The following UST variants were observed in gnomAD, a reference collection of about 807,000 sequenced individuals.
The protein encoded by UST is chondroitin sulfate 2-O-sulfotransferase.
UST carries 21 observed loss-of-function variants against 45.6 expected under a neutral mutation model. The ratio of observed to expected loss-of-function variants is 0.46; its 90% CI spans 0.33 to 0.66. UST has a LOEUF of 0.66. UST is among the 30% of genes least tolerant of loss of function. The probability of loss-of-function intolerance (pLI) is 0.02; values close to 1 mark genes in which losing one functional copy is unlikely to be tolerated. For missense variants in UST, 463 were observed against 512.4 expected (o/e 0.90, Z 0.93); for synonymous variants, 215 against 200.6 (o/e 1.07, Z -0.61).
chr6:148,809,054 C>T (rs1205240929), intron 1 of UST, among the ~76,000 whole-genome samples: 1 of 152,244 alleles, frequency 6.6e-6, no homozygotes, highest in Non-Finnish European at 1.5e-5. Context: ...TCACTGGCAA[C>T]TAATCATCAC....
intron 1 of UST, among the ~76,000 whole-genome samples, chr6:148,861,164 C>T (rs1778304618): frequency 6.6e-6 from 1 of 152,200 alleles, no homozygotes; most frequent in Non-Finnish European, 1.5e-5. Flanking sequence ...ATTATTGCCT[C>T]AATTTCTGAA....
chr6:148,784,151 T>C (rs1166385305), intron 1 of UST, among the ~76,000 whole-genome samples: 2 of 152,142 alleles, frequency 1.3e-5, no homozygotes, highest in East Asian at 1.9e-4. Flanking sequence ...CCATATTCGA[T>C]GTGGAAATGT....
chr6:149,003,450 A>C (rs1447604979), intron 5 of UST, among the ~76,000 whole-genome samples: 2 of 152,130 alleles, frequency 1.3e-5, no homozygotes, highest in Admixed American at 6.5e-5. Flanking sequence ...AAAACAAAAA[A>C]AAAAAACATT....
intron 1 of UST, among the ~76,000 whole-genome samples, chr6:148,835,563 G>GT (rs1461829348): frequency 1.3e-5 from 2 of 152,132 alleles, no homozygotes; most frequent in African/African-American, 4.8e-5. Flanking sequence ...CCTTCAAGTG[G>GT]TTTTGTCTCG....
chr6:149,065,415 C>T (rs989692468), intron 7 of UST, among the ~76,000 whole-genome samples: 7 of 152,178 alleles, frequency 4.6e-5, no homozygotes, highest in African/African-American at 1.7e-4. Flanking sequence ...GCAAGACACA[C>T]ATCCATATGT....
intron 2 of UST, among the ~76,000 whole-genome samples, chr6:148,924,398 A>C (rs775713034): frequency 6.6e-6 from 1 of 152,262 alleles, no homozygotes; most frequent in East Asian, 1.9e-4. Flanking sequence ...CCTAGGAGAC[A>C]ATCAGCAGCT....
At chr6:149,026,963 A>G (rs1776058670) in intron 7 of UST, among the ~76,000 whole-genome samples, 1 of 152,218 alleles carries the variant, frequency 6.6e-6, no homozygotes, top group Non-Finnish European at 1.5e-5. Flanking sequence ...AGTGACTTAA[A>G]TCCTAACTTT....
rs377083875 is a variant in UST, at chr6:149,067,391, C to T, written c.938-6442C>T. 2.0e-4 allele frequency among the ~76,000 whole-genome samples: 31 copies of T among 152,308 alleles called. 1 individual carries two copies. Among genetic ancestry groups the T allele is most frequent in the African/African-American group, 6.3e-4 (26 of 41,570 alleles). On this transcript the variant is annotated intron_variant, in intron 7 of 7. Transcript: ENST00000367463. ...TCCAATGGCCTTCAATTTGAAATAT[C>T]GCCATACCAAGTTGCCATATTTGGC...
chr6:148,995,034 T>TGTG (rs369322131), intron 5 of UST, among the ~76,000 whole-genome samples: 1,927 of 152,126 alleles, frequency 0.013, 41 homozygotes, highest in African/African-American at 0.043. Flanking sequence ...ATCTTGTGTG[T>TGTG]GTGTGTGTGA....
intron 1 of UST, among the ~76,000 whole-genome samples, chr6:148,796,491 G>T (rs1776950159): frequency 6.6e-6 from 1 of 151,962 alleles, no homozygotes; most frequent in South Asian, 2.1e-4. Context: ...GGACGTGGTG[G>T]CACGGGCCTG....
chr6:148,953,789 A>T (rs1000900589), intron 3 of UST, 83 bp from the exon 4 acceptor site: 3 of 788,998 alleles, frequency 3.8e-6, no homozygotes, highest in Non-Finnish European at 5.5e-6. Flanking sequence ...AAAAAAAAAA[A>T]AAGAGTGGGA....
chr6:148,877,984 G>A (rs1329661511), intron 1 of UST, among the ~76,000 whole-genome samples: 3 of 123,082 alleles, frequency 2.4e-5, no homozygotes, highest in Admixed American at 1.6e-4. Flanking sequence ...GATCGTGTAC[G>A]AGTGTGGGGA....
At chr6:149,059,221 A>G (rs1024220055) in intron 7 of UST, among the ~76,000 whole-genome samples, 3 of 152,190 alleles carry the variant, frequency 2.0e-5, no homozygotes, top group South Asian at 2.1e-4. Flanking sequence ...CAGCCCTGTC[A>G]TGTTCAAGTC....
intron 5 of UST, among the ~76,000 whole-genome samples, chr6:148,998,352 G>C (rs961042131): frequency 6.6e-6 from 1 of 152,130 alleles, no homozygotes; most frequent in African/African-American, 2.4e-5. Context: ...TCTTATAACA[G>C]GTGAAATGAA....
At chr6:149,049,669 C>G in intron 7 of UST, among the ~76,000 whole-genome samples, 1 of 152,122 alleles carries the variant, frequency 6.6e-6, no homozygotes, top group East Asian at 1.9e-4. Context: ...ATTTTTATCC[C>G]TCTCTCTTCC....
intron 1 of UST, among the ~76,000 whole-genome samples, chr6:148,817,206 AG>A (rs1215820792): frequency 6.6e-6 from 1 of 152,254 alleles, no homozygotes; most frequent in Non-Finnish European, 1.5e-5. Flanking sequence ...TTCACTAGAA[AG>A]CAAAGCCAAG....
chr6:148,747,456 G>C lies in UST; in HGVS notation c.26G>C (p.Gly9Ala). MKKKQQHP[G>A]GGADPWPHGA... ...ATGAAGAAGAAGCAGCAGCATCCCGGCGGCGGCGCGGATCCCTGGCCCCAT... is the reference window on the plus strand; with the variant it reads ...ATGAAGAAGAAGCAGCAGCATCCCGCCGGCGGCGCGGATCCCTGGCCCCAT... Residue 9 changes from glycine to alanine, a missense_variant, in exon 1 of 8, where the codon GGC becomes GCC. Around this residue, in one of 2 missense-constraint regions of UST, gnomAD observed 176 missense variants for 138.3 expected, o/e 1.27. Transcript: ENST00000367463. 7.0e-7 allele frequency: 1 copy of C among 1,428,934 alleles called. No homozygotes were observed. Among genetic ancestry groups the C allele is most frequent in the Non-Finnish European group, 9.2e-7 (1 of 1,089,198 alleles). 88.5% of individuals were successfully genotyped at this position (1,428,934 alleles called of 1,614,324 possible).
intron 1 of UST, among the ~76,000 whole-genome samples, chr6:148,838,714 A>G (rs1032430479): frequency 6.6e-6 from 1 of 152,114 alleles, no homozygotes; most frequent in Non-Finnish European, 1.5e-5. Context: ...GGGCAACATA[A>G]TAAGATCCCT....
At chr6:148,939,472 T>A (rs762286442) in intron 2 of UST, among the ~76,000 whole-genome samples, 2 of 152,170 alleles carry the variant, frequency 1.3e-5, no homozygotes, top group Non-Finnish European at 2.9e-5. Flanking sequence ...AAAGCTATAA[T>A]AAGACTGTGT....
Sources: gnomAD v4.1 joint callset for allele counts (sites outside exome capture counted in the v4.1 genomes callset) on GRCh38, gnomAD v4.1.1 for gene constraint, gnomAD v4.1.1 regional missense constraint, MANE v1.5 for transcripts, NCBI Gene and HGNC (gene_info 2026-07-23, HGNC 2026-07-21) for gene names.